CAPN3: variants seen among roughly 807,000 people sequenced by gnomAD.
The protein encoded by CAPN3 is calpain 3, also known as calpain-3.
In CAPN3, 88 loss-of-function variants were observed where a neutral mutation model predicts 114.0. The ratio of observed to expected loss-of-function variants is 0.77; its 90% CI spans 0.65 to 0.92. The LOEUF (loss-of-function observed/expected upper bound fraction) is 0.92. Among genes scored for constraint, CAPN3 ranks in the 40% least tolerant of loss-of-function variants. The pLI, the probability that CAPN3 is intolerant of heterozygous loss-of-function variation, is 0.00. For missense variants in CAPN3, 1,028 were observed against 1,069.0 expected (o/e 0.96, Z 0.53); for synonymous variants, 386 against 382.9 (o/e 1.01, Z -0.09).
At chr15:42,366,830 T>TTC (rs2052792911) in intron 1 of CAPN3, among the ~76,000 whole-genome samples, 1 of 141,372 alleles carries the variant, frequency 7.1e-6, no homozygotes, top group African/African-American at 2.9e-5. Flanking sequence ...TTTTTTTTCT[T>TTC]TTTTTTTTTC....
chr15:42,408,700 G>C (rs1031577382), intron 16 of CAPN3: 1 of 358,820 alleles, frequency 2.8e-6, no homozygotes, highest in Admixed American at 3.8e-5. Flanking sequence ...GAGCAGAAAA[G>C]TGGGGCTGAC....
Position 42,399,748 on chromosome 15 carries a change from G to A in CAPN3, c.1354+96G>A, listed in dbSNP as rs3743002. ...CTTATTAAGTCTCTCTGTTCCAGAC[G>A]TCCACTATCTTATTAAACCTTCCCT... On this transcript the variant is annotated intron_variant, in intron 10 of 23. Coordinates refer to ENST00000397163, the MANE Select transcript of CAPN3 (RefSeq NM_000070.3). The A allele has an allele frequency of 0.016, 16,601 of 1,056,896 alleles. 1,053 individuals are homozygous for A. In the African/African-American group the frequency reaches 0.17, roughly 11 times the overall value. 65.5% of individuals were successfully genotyped at this position (1,056,896 alleles called of 1,614,324 possible). A position where few individuals can be genotyped will look rare whatever the true frequency, so the allele number is the denominator to read the frequency against.
intron 8 of CAPN3, among the ~76,000 whole-genome samples, chr15:42,395,265 C>G (rs2053659384): frequency 6.6e-6 from 1 of 152,170 alleles, no homozygotes; most frequent in South Asian, 2.1e-4. Context: ...TGACTGCCTC[C>G]TGCAGACATT....
rs2052597480 is a variant in CAPN3 at position 42,360,013 on chromosome 15, G to A, written c.208G>A (p.Glu70Lys). The stretch of plus-strand genomic sequence containing the variant: ...CGAGCAACTTCACAAGAAATGTCTA[G>A]AAAAGAAAGTTCTTTATGTGGACCC... ...TFEQLHKKCLEKKVLYVDPEF... is the reference protein window; with the variant it reads ...TFEQLHKKCLKKKVLYVDPEF... Residue 70 changes from glutamate (E) to lysine (K), a missense_variant, in exon 1 of 24, where the codon GAA (glutamate) becomes AAA (lysine). Transcript: ENST00000397163. 1.2e-6 allele frequency: 2 copies of A among 1,614,242 alleles called. No homozygotes were observed. The highest frequency in any genetic ancestry group is 1.7e-6 in the Non-Finnish European group (2 of 1,180,034).
intron 1 of CAPN3, among the ~76,000 whole-genome samples, chr15:42,380,485 ATCC>A (rs2141144925): frequency 7.0e-6 from 1 of 143,216 alleles, no homozygotes; most frequent in East Asian, 2.0e-4. Flanking sequence ...AGCTCAAGCA[ATCC>A]TCCTATCTCA....
At chr15:42,409,731 C>T (rs569329660) in intron 17 of CAPN3, 56 bp from the exon 18 acceptor site, 27 of 1,485,020 alleles carry the variant, frequency 1.8e-5, no homozygotes, top group African/African-American at 2.8e-5. Context: ...GCAAAGTGTC[C>T]GCGCCAGGAG....
Position 42,392,705 on chromosome 15 carries a change from G to T in CAPN3, c.1012G>T (p.Val338Phe), listed in dbSNP as rs771608215. The part of the protein sequence containing the change: ...CGLVRGHAYS[V>F]TGLDEVPFKG... The stretch of plus-strand genomic sequence containing the variant: ...GCTGGTCAGAGGTCACGCCTACTCT[G>T]TCACGGGGCTGGATGAGGTAAGCCT... The change falls in exon 7 of 24, where the codon GTC (valine) becomes TTC (phenylalanine). Residue 338 changes from valine to phenylalanine, a missense_variant. Coordinates refer to ENST00000397163, the MANE Select transcript of CAPN3 (RefSeq NM_000070.3). The T allele has an allele frequency of 3.1e-6, 5 of 1,613,824 alleles. No individual in the cohort carries two copies. The highest frequency in any genetic ancestry group is 4.2e-6 in the Non-Finnish European group (5 of 1,179,902).
intron 13 of CAPN3, among the ~76,000 whole-genome samples, chr15:42,403,524 G>A (rs928753318): frequency 2.6e-5 from 4 of 152,090 alleles, no homozygotes; most frequent in African/African-American, 2.4e-5. Context: ...CCTTTGGGGG[G>A]CTCTGAGCAA....
intron 8 of CAPN3, among the ~76,000 whole-genome samples, chr15:42,395,598 C>T (rs1157792735): frequency 6.6e-6 from 1 of 152,186 alleles, no homozygotes; most frequent in East Asian, 1.9e-4. Flanking sequence ...AGTGACTCCT[C>T]AGTTGTCTAC....
At position 42,409,176 on chromosome 15, in the gene CAPN3, C is replaced by T. The variant is rs28364531; in HGVS notation, c.1915-127C>T. On this transcript the variant is annotated intron_variant, in intron 16 of 23. Coordinates refer to ENST00000397163, the MANE Select transcript of CAPN3 (RefSeq NM_000070.3). Reference sequence around the variant, plus strand: ...CCAGCTCACCAGGTCTGCATTTGCCCGTCCCCAGCTCCTGCTGCCACCTCC... The same window carrying T: ...CCAGCTCACCAGGTCTGCATTTGCCTGTCCCCAGCTCCTGCTGCCACCTCC... The T allele has an allele frequency of 0.015, 12,145 of 786,302 alleles. 147 individuals are homozygous for T. Among genetic ancestry groups the T allele is most frequent in the Admixed American group, 0.025 (1,263 of 49,774 alleles). The allele number at this position is 786,302 out of a possible 1,614,324, so 48.7% of individuals were successfully genotyped here. A position where few individuals can be genotyped will look rare whatever the true frequency, so the allele number is the denominator to read the frequency against.
chr15:42,368,225 T>C (rs1296095446), intron 1 of CAPN3, among the ~76,000 whole-genome samples: 3 of 152,312 alleles, frequency 2.0e-5, no homozygotes, highest in South Asian at 4.1e-4. Flanking sequence ...TGTTCCCAGC[T>C]CAGGTCAAAC....
intron 8 of CAPN3, 25 bp from the exon 9 acceptor site, chr15:42,396,775 C>T (rs1372798546): frequency 1.3e-6 from 2 of 1,596,870 alleles, no homozygotes; most frequent in South Asian, 1.1e-5. Flanking sequence ...TTCCTGCTTC[C>T]TTAATTCCTC....
chr15:42,387,897 CTT>C lies in CAPN3; in HGVS notation c.632+13_632+14del. Reference sequence around the variant, plus strand: ...GAAGGCTTATGCTAAGTAAGCAACACTTTAGAATGTGAGGTGGGGCTAGAGGT... The same window carrying C: ...GAAGGCTTATGCTAAGTAAGCAACACTAGAATGTGAGGTGGGGCTAGAGGT... On this transcript the variant is annotated intron_variant, in intron 4 of 23. Transcript: ENST00000397163. 1 of 1,614,122 alleles carries C rather than the reference CTT, an allele frequency of 6.2e-7. No individual in the cohort carries two copies. The highest frequency in any genetic ancestry group is 8.5e-7 in the Non-Finnish European group (1 of 1,180,014).
chr15:42,398,817 C>T (rs375780989), intron 9 of CAPN3, among the ~76,000 whole-genome samples: 2 of 126,434 alleles, frequency 1.6e-5, no homozygotes, highest in East Asian at 2.7e-4. Context: ...CAGAGTCTCA[C>T]TTTGTCGCCC....
rs1451031221 is a variant in CAPN3, at chr15:42,408,316, T to C, written c.1906T>C (p.Ser636Pro). 5.6e-6 allele frequency: 9 copies of C among 1,609,618 alleles called. No individual in the cohort carries two copies. ...GKTSPDKQKQ[S>P]PQPQPGSSDQ... ...AACAAGCCCTGATAAGCAAAAGCAG[T>C]CCCCACAGGTGTCTGGGCATGTGGC... The change falls in exon 16 of 24, where the codon TCC (serine) becomes CCC (proline). Residue 636 changes from serine (S) to proline (P), a missense_variant. Ser to Pro is a moderately conservative substitution (Grantham distance 74). Transcript: ENST00000397163.
intron 1 of CAPN3, among the ~76,000 whole-genome samples, chr15:42,361,919 AC>A (rs1377173124): frequency 6.6e-6 from 1 of 152,182 alleles, no homozygotes; most frequent in Non-Finnish European, 1.5e-5. Flanking sequence ...CTCAGGTGTC[AC>A]TTCCTTCAAT....
Position 42,396,948 on chromosome 15 carries a change from C to G in CAPN3, c.1193+71C>G, listed in dbSNP as rs1446108355. 8 of 1,121,528 alleles carry G rather than the reference C, an allele frequency of 7.1e-6. No homozygotes were observed. In the South Asian group the frequency reaches 7.5e-5, roughly 10 times the overall value. The allele number at this position is 1,121,528 out of a possible 1,614,324, so 69.5% of individuals were successfully genotyped here. ...GAGAGGGGAAATCTCAGACCTCAGT[C>G]CCCAGCTAAGGTTATCAGATTCCAG... On this transcript the variant is annotated intron_variant, in intron 9 of 23. Transcript: ENST00000397163.
intron 12 of CAPN3, 172 bp downstream of exon 12, chr15:42,402,307 G>T: frequency 6.4e-7 from 1 of 1,556,538 alleles, no homozygotes; most frequent in South Asian, 1.2e-5. Flanking sequence ...GGCATTGCAT[G>T]ACCCATGACT....
At chr15:42,372,405 A>C (rs946257664) in intron 1 of CAPN3, among the ~76,000 whole-genome samples, 1 of 152,026 alleles carries the variant, frequency 6.6e-6, no homozygotes, top group South Asian at 2.1e-4. Context: ...GTGACCCCCT[A>C]CCCTTGGCCT....
Sources: allele counts gnomAD v4.1 joint callset (sites outside exome capture counted in the v4.1 genomes callset), GRCh38; gene constraint gnomAD v4.1.1; transcripts MANE v1.5; gene names NCBI Gene and HGNC (gene_info 2026-07-23, HGNC 2026-07-21).